Variants in BMPER observed in about 807,000 individuals in gnomAD.
BMPER encodes BMP binding endothelial regulator, also known as BMP-binding endothelial regulator protein.
A neutral mutation model predicts 87.3 loss-of-function variants in BMPER; 45 were observed. The observed-to-expected ratio is 0.52, with a 90% confidence interval of 0.41 to 0.66. BMPER has a LOEUF of 0.66. BMPER is among the 30% of genes least tolerant of loss of function. The pLI is 0.00. For synonymous variants in BMPER, 326 were observed against 316.2 expected (o/e 1.03, Z -0.33); for missense variants, 784 against 867.5 (o/e 0.90, Z 1.21).
At chr7:33,924,172 G>A (rs1473388169) in intron 2 of BMPER, among the ~76,000 whole-genome samples, 1 of 152,130 alleles carries the variant, frequency 6.6e-6, no homozygotes, top group Non-Finnish European at 1.5e-5. Flanking sequence ...CATCAACCAT[G>A]GGGTCCTGGA....
At chr7:34,053,774 TGGAAG>T (rs1313552139) in intron 8 of BMPER, among the ~76,000 whole-genome samples, 1 of 151,874 alleles carries the variant, frequency 6.6e-6, no homozygotes, top group Non-Finnish European at 1.5e-5. Context: ...GCAGAGGAAG[TGGAAG>T]GGGAGGCAGG....
In BMPER at chr7:33,937,632, G is replaced by A. The variant is rs1357682035; in HGVS notation, c.319+244G>A. 9 of 515,934 alleles carry A rather than the reference G, an allele frequency of 1.7e-5. No individual in the cohort carries two copies. The East Asian group carries it at 2.7e-4, about 16-fold the overall frequency. 32.0% of individuals were successfully genotyped at this position (515,934 alleles called of 1,614,324 possible). A position where few individuals can be genotyped will look rare whatever the true frequency, so the allele number is the denominator to read the frequency against. ...AAGTATGTGAGCATCTTCATATTTG[G>A]TTTGTTTTCTAAGGCAGGTTGTTAA... On this transcript the variant is annotated intron_variant, in intron 3 of 14. Transcript: ENST00000649409.
chr7:34,042,134 T>G (rs1403023166), intron 6 of BMPER, among the ~76,000 whole-genome samples: 28 of 152,242 alleles, frequency 1.8e-4, no homozygotes, highest in Admixed American at 1.8e-3. Flanking sequence ...ATAAAGCAAT[T>G]GTGTTCTTAA....
At position 34,017,945 on chromosome 7, in the gene BMPER, C is replaced by T. The variant is rs1202326391; in HGVS notation, c.577-28361C>T. 2.7e-5 allele frequency among the ~76,000 whole-genome samples: 4 copies of T among 149,108 alleles called. No homozygotes were observed. In the South Asian group the frequency reaches 8.4e-4, roughly 31 times the overall value. ...CAGGCTCCTCTGTGTGGTGCCTCCA[C>T]CAAAAATACTTAAACTTGTCCAAAA... On this transcript the variant is annotated intron_variant, in intron 6 of 14. Coordinates refer to ENST00000649409, the MANE Select transcript of BMPER (RefSeq NM_001365308.1).
intron 2 of BMPER, among the ~76,000 whole-genome samples, chr7:33,918,470 A>G (rs759021066): frequency 1.3e-5 from 2 of 152,202 alleles, no homozygotes. Flanking sequence ...TACTGCCCAG[A>G]AATTCATGAA....
intron 2 of BMPER, among the ~76,000 whole-genome samples, chr7:33,921,005 A>T (rs535182281): frequency 1.3e-5 from 2 of 152,018 alleles, no homozygotes; most frequent in Non-Finnish European, 2.9e-5. Context: ...TTCTTTTCCT[A>T]TTCATGTCAT....
chr7:33,927,357 C>A (rs542809390), intron 2 of BMPER, among the ~76,000 whole-genome samples: 1 of 152,314 alleles, frequency 6.6e-6, no homozygotes, highest in South Asian at 2.1e-4. Flanking sequence ...GCGCTGATGA[C>A]AAGAGTGACA....
At chr7:33,983,111 C>T (rs545681644) in intron 6 of BMPER, among the ~76,000 whole-genome samples, 1 of 152,268 alleles carries the variant, frequency 6.6e-6, no homozygotes, top group East Asian at 1.9e-4. Context: ...GTTCTTGAAA[C>T]CAGTAGGGGG....
At chr7:33,994,493 C>T (rs897990474) in intron 6 of BMPER, among the ~76,000 whole-genome samples, 8 of 152,212 alleles carry the variant, frequency 5.3e-5, no homozygotes, top group African/African-American at 1.9e-4. Flanking sequence ...GCATGGTGCG[C>T]ACACCCACTG....
At chr7:34,082,911 T>C (rs1313787527) in intron 12 of BMPER, among the ~76,000 whole-genome samples, 1 of 152,248 alleles carries the variant, frequency 6.6e-6, no homozygotes, top group Non-Finnish European at 1.5e-5. Context: ...AATTATGCTG[T>C]AAAAGTTAGA....
At chr7:33,960,194 T>C (rs1785234771) in intron 3 of BMPER, among the ~76,000 whole-genome samples, 1 of 152,236 alleles carries the variant, frequency 6.6e-6, no homozygotes, top group Non-Finnish European at 1.5e-5. Flanking sequence ...GGAAATGGTT[T>C]GGCTATAAAA....
chr7:34,143,385 C>G (rs771664315), intron 14 of BMPER, 25 bp downstream of exon 14: 1 of 1,613,166 alleles, frequency 6.2e-7, no homozygotes, highest in Non-Finnish European at 8.5e-7. Flanking sequence ...CTGGATCTAC[C>G]CATCAAAAGT....
rs569827769 is a variant in BMPER at position 33,946,015 on chromosome 7, T to A, written c.319+8627T>A. Among the ~76,000 whole-genome samples, 9 of 152,236 alleles carry A rather than the reference T, an allele frequency of 5.9e-5. No individual in the cohort carries two copies. The South Asian group carries it at 1.7e-3, about 28-fold the overall frequency. On this transcript the variant is annotated intron_variant, in intron 3 of 14. Transcript: ENST00000649409. The stretch of plus-strand genomic sequence containing the variant: ...GAAGGTGTTTTAGTCCTTTCCCACA[T>A]TGCTATAAGGAAATACCCAAGACTG...
chr7:33,954,612 C>T (rs1403149356), intron 3 of BMPER, among the ~76,000 whole-genome samples: 1 of 152,174 alleles, frequency 6.6e-6, no homozygotes, highest in Non-Finnish European at 1.5e-5. Context: ...TTCTTTTTAA[C>T]CAGAGTTACT....
chr7:34,061,389 T>C (rs1238694398), intron 10 of BMPER, among the ~76,000 whole-genome samples: 2 of 152,200 alleles, frequency 1.3e-5, no homozygotes, highest in East Asian at 3.8e-4. Context: ...TAATGAAGCA[T>C]TACTCAGTGT....
At chr7:34,058,236 C>A in intron 10 of BMPER, 73 bp downstream of exon 10, 1 of 1,390,576 alleles carries the variant, frequency 7.2e-7, no homozygotes, top group Non-Finnish European at 1.0e-6. Context: ...AGTCGCATGC[C>A]ATCTTCCGAA....
chr7:33,987,217 C>T (rs1786035174), intron 6 of BMPER, among the ~76,000 whole-genome samples: 1 of 152,118 alleles, frequency 6.6e-6, no homozygotes, highest in African/African-American at 2.4e-5. Context: ...TTCAAATGTT[C>T]GATTTGGAGG....
At chr7:34,085,495 C>T (rs1307024963) in intron 12 of BMPER, among the ~76,000 whole-genome samples, 1 of 152,134 alleles carries the variant, frequency 6.6e-6, no homozygotes, top group African/African-American at 2.4e-5. Context: ...ATCTGTAGGT[C>T]AAACCAGGGG....
At chr7:34,024,546 A>C (rs1194867742) in intron 6 of BMPER, among the ~76,000 whole-genome samples, 4 of 148,406 alleles carry the variant, frequency 2.7e-5, no homozygotes, top group Non-Finnish European at 5.9e-5. Flanking sequence ...CCTGTTCCTC[A>C]TAGGTGACCA....
Sources: allele counts gnomAD v4.1 joint callset (sites outside exome capture counted in the v4.1 genomes callset), GRCh38; gene constraint gnomAD v4.1.1; transcripts MANE v1.5; gene names NCBI Gene and HGNC (gene_info 2026-07-23, HGNC 2026-07-21).